Variants in HIVEP3 observed in about 807,000 individuals in gnomAD.
The protein encoded by HIVEP3 is transcription factor HIVEP3.
In HIVEP3, 49 loss-of-function variants were observed where a neutral mutation model predicts 152.8. The observed-to-expected ratio is 0.32, with a 90% confidence interval of 0.26 to 0.41. The LOEUF (loss-of-function observed/expected upper bound fraction) is 0.41. Ranked by LOEUF, HIVEP3 falls within the 10% of genes least tolerant of loss-of-function variation. The probability of loss-of-function intolerance (pLI) is 1.00; values close to 1 mark genes in which losing one functional copy is unlikely to be tolerated. For missense variants in HIVEP3, 2,790 were observed against 3,103.3 expected (o/e 0.90, Z 2.40); for synonymous variants, 1,269 against 1,289.0 (o/e 0.98, Z 0.33).
chr1:41,796,411 C>G (rs1016820274), intron 1 of HIVEP3, among the ~76,000 whole-genome samples: 97 of 152,250 alleles, frequency 6.4e-4, no homozygotes, highest in African/African-American at 2.3e-3. Flanking sequence ...AAGAATAAGG[C>G]AGCCTTGCCC....
chr1:41,686,903 A>T (rs558929085), intron 2 of HIVEP3, among the ~76,000 whole-genome samples: 8 of 152,366 alleles, frequency 5.3e-5, no homozygotes, highest in African/African-American at 1.7e-4. Flanking sequence ...ATCATTTAGC[A>T]TCTACTATGG....
intron 6 of HIVEP3, among the ~76,000 whole-genome samples, chr1:41,524,351 G>A (rs938198567): frequency 1.3e-5 from 2 of 152,190 alleles, no homozygotes; most frequent in African/African-American, 4.8e-5. Flanking sequence ...TGGCAGTGAC[G>A]AGCATGGATG....
intron 1 of HIVEP3, among the ~76,000 whole-genome samples, chr1:41,916,280 T>A (rs1644870117): frequency 6.6e-6 from 1 of 152,112 alleles, no homozygotes; most frequent in Non-Finnish European, 1.5e-5. Context: ...GTTGAGCACA[T>A]CTTGATCCAC....
intron 2 of HIVEP3, among the ~76,000 whole-genome samples, chr1:41,683,317 G>A (rs1007471786): frequency 6.6e-6 from 1 of 152,170 alleles, no homozygotes; most frequent in Non-Finnish European, 1.5e-5. Context: ...CCCAAAGTGG[G>A]AAAAGGCACT....
At position 41,508,043 on chromosome 1, in the gene HIVEP3, C is replaced by T. The variant is rs1224211286; in HGVS notation, c.*2408G>A. 2 of 152,348 alleles carry T rather than the reference C, an allele frequency of 1.3e-5. No individual in the cohort carries two copies. The highest frequency in any genetic ancestry group is 4.8e-5 in the African/African-American group (2 of 41,460). The allele number at this position is 152,348 out of a possible 1,614,324, so 9.4% of individuals were successfully genotyped here. ...GCCGGCTGCACTGTTCATTGCTAGGCTGCCCAGGGAGGAAACCTTGGGTGG... is the reference window on the plus strand; with the variant it reads ...GCCGGCTGCACTGTTCATTGCTAGGTTGCCCAGGGAGGAAACCTTGGGTGG... On this transcript the variant is annotated 3_prime_UTR_variant, in exon 9 of 9. Coordinates refer to ENST00000372583, the MANE Select transcript of HIVEP3 (RefSeq NM_024503.5).
At chr1:41,613,948 A>G (rs781422397) in intron 3 of HIVEP3, among the ~76,000 whole-genome samples, 2 of 152,230 alleles carry the variant, frequency 1.3e-5, no homozygotes, top group Non-Finnish European at 2.9e-5. Context: ...TTCACTTAGC[A>G]TAACGTTTTT....
At chr1:41,963,297 C>A (rs1645179385) in intron 1 of HIVEP3, among the ~76,000 whole-genome samples, 1 of 152,210 alleles carries the variant, frequency 6.6e-6, no homozygotes, top group African/African-American at 2.4e-5. Flanking sequence ...GGGCGTGAGC[C>A]ACCGCGCCCG....
intron 1 of HIVEP3, among the ~76,000 whole-genome samples, chr1:41,762,746 C>T (rs371296747): frequency 1.2e-4 from 19 of 152,332 alleles, no homozygotes; most frequent in South Asian, 4.1e-4. Flanking sequence ...ATGGGATCTG[C>T]GCTGGAGTGC....
At chr1:41,706,953 T>A (rs942335299) in intron 1 of HIVEP3, among the ~76,000 whole-genome samples, 9 of 152,238 alleles carry the variant, frequency 5.9e-5, no homozygotes, top group African/African-American at 2.2e-4. Context: ...TCAGTTCAAA[T>A]AAAATATTGC....
intron 1 of HIVEP3, among the ~76,000 whole-genome samples, chr1:41,961,497 T>C (rs1645169339): frequency 6.6e-6 from 1 of 152,232 alleles, no homozygotes; most frequent in Non-Finnish European, 1.5e-5. Flanking sequence ...GAAAAGCATG[T>C]CTTGGCACAA....
intron 1 of HIVEP3, among the ~76,000 whole-genome samples, chr1:41,975,738 C>T (rs576429197): frequency 1.3e-5 from 2 of 152,150 alleles, no homozygotes; most frequent in East Asian, 3.8e-4. Flanking sequence ...CCTAGTAAAC[C>T]AAGACTGAAG....
chr1:41,745,025 T>C (rs1647051379), intron 1 of HIVEP3, among the ~76,000 whole-genome samples: 1 of 152,210 alleles, frequency 6.6e-6, no homozygotes, highest in African/African-American at 2.4e-5. Flanking sequence ...ATTGTGGTTC[T>C]GGAAGGTGTA....
At chr1:41,595,241 C>G (rs1049621749) in intron 3 of HIVEP3, among the ~76,000 whole-genome samples, 1 of 152,226 alleles carries the variant, frequency 6.6e-6, no homozygotes, top group African/African-American at 2.4e-5. Context: ...CCCCACTCCA[C>G]TATTCATTGT....
At chr1:41,545,204 CACT>C (rs1170554287) in intron 5 of HIVEP3, among the ~76,000 whole-genome samples, 9 of 142,656 alleles carry the variant, frequency 6.3e-5, no homozygotes, top group East Asian at 2.2e-4. Flanking sequence ...CCACCACCAC[CACT>C]ATCGCCACCA....
intron 2 of HIVEP3, among the ~76,000 whole-genome samples, chr1:41,652,018 C>A (rs10890157): frequency 6.6e-6 from 1 of 152,022 alleles, no homozygotes; most frequent in Non-Finnish European, 1.5e-5. Context: ...TTCTATGCAC[C>A]TGGCACTCTT....
intron 5 of HIVEP3, among the ~76,000 whole-genome samples, chr1:41,544,681 C>A (rs1215582709): frequency 1.7e-5 from 2 of 114,368 alleles, no homozygotes; most frequent in African/African-American, 7.0e-5. Flanking sequence ...ACCACCACCT[C>A]TACCACCACT....
At chr1:42,013,317 C>T (rs1054262169) in intron 1 of HIVEP3, among the ~76,000 whole-genome samples, 5 of 152,200 alleles carry the variant, frequency 3.3e-5, no homozygotes, top group African/African-American at 1.2e-4. Flanking sequence ...AATACAGTCA[C>T]ATTCTGAGAT....
At position 41,628,725 on chromosome 1, in the gene HIVEP3, T is replaced by C. The variant is rs1279047211; in HGVS notation, c.-522+24A>G. Reference sequence around the variant, plus strand: ...CCAACATGGCGCCTGGCAAGCATATTCAGCAACAGCCCCCATTTCCTACCT... The same window carrying C: ...CCAACATGGCGCCTGGCAAGCATATCCAGCAACAGCCCCCATTTCCTACCT... On this transcript the variant is annotated intron_variant, in intron 3 of 8. Transcript: ENST00000372583. The C allele has an allele frequency of 4.1e-6, 5 of 1,230,714 alleles. No homozygotes were observed. In the African/African-American group the frequency reaches 7.8e-5, roughly 19 times the overall value. The allele number at this position is 1,230,714 out of a possible 1,614,324, so 76.2% of individuals were successfully genotyped here.
At chr1:41,949,511 GA>G (rs1039819767) in intron 1 of HIVEP3, among the ~76,000 whole-genome samples, 8 of 152,152 alleles carry the variant, frequency 5.3e-5, no homozygotes, top group South Asian at 4.1e-4. Flanking sequence ...ATTTTTAGGG[GA>G]AGAATGCTGT....
Sources: allele counts gnomAD v4.1 joint callset (sites outside exome capture counted in the v4.1 genomes callset), GRCh38; gene constraint gnomAD v4.1.1; transcripts MANE v1.5; gene names NCBI Gene and HGNC (gene_info 2026-07-23, HGNC 2026-07-21).